GTF3C1: variants seen among roughly 807,000 people sequenced by gnomAD.
The protein encoded by GTF3C1 is general transcription factor 3C polypeptide 1.
In GTF3C1, 57 loss-of-function variants were observed where a neutral mutation model predicts 226.7. The ratio of observed to expected loss-of-function variants is 0.25; its 90% confidence interval spans 0.20 to 0.31. The LOEUF (loss-of-function observed/expected upper bound fraction) is 0.31. Ranked by LOEUF, GTF3C1 falls within the 10% of genes least tolerant of loss-of-function variation. The pLI is 1.00. For missense variants in GTF3C1, 2,217 were observed against 2,776.1 expected (o/e 0.80, Z 4.53); for synonymous variants, 1,090 against 1,084.8 (o/e 1.00, Z -0.09).
intron 4 of GTF3C1, among the ~76,000 whole-genome samples, chr16:27,536,151 A>T (rs2088998156): frequency 6.6e-6 from 1 of 152,254 alleles, no homozygotes; most frequent in Non-Finnish European, 1.5e-5. Flanking sequence ...TTTCTTAATA[A>T]CATTTTCTTT....
chr16:27,478,684 A>T, intron 27 of GTF3C1, 153 bp from the exon 28 acceptor site: 1 of 682,954 alleles, frequency 1.5e-6, no homozygotes, highest in Non-Finnish European at 2.7e-6. Context: ...CATGTAAATT[A>T]AAATGAGAAT....
At chr16:27,514,540 CT>C (rs1040254014) in intron 6 of GTF3C1, among the ~76,000 whole-genome samples, 2 of 152,106 alleles carry the variant, frequency 1.3e-5, no homozygotes, top group African/African-American at 2.4e-5. Context: ...CCATTCCCCC[CT>C]AGACTGTCCT....
At chr16:27,493,090 GC>G in intron 17 of GTF3C1, 108 bp downstream of exon 17, 1 of 679,526 alleles carries the variant, frequency 1.5e-6, no homozygotes, top group South Asian at 1.7e-5. Context: ...GTTTTTGCAA[GC>G]TGGAAGTTAG....
At chr16:27,514,426 G>A (rs560689998) in intron 6 of GTF3C1, among the ~76,000 whole-genome samples, 2 of 152,142 alleles carry the variant, frequency 1.3e-5, no homozygotes, top group East Asian at 1.9e-4. Flanking sequence ...CTGAAGGCTC[G>A]GGCACTGGGA....
Position 27,469,956 on chromosome 16 carries a change from G to C in GTF3C1, c.4814+152C>G. 1 of 700,040 alleles carries C rather than the reference G, an allele frequency of 1.4e-6. No individual in the cohort carries two copies. The highest frequency in any genetic ancestry group is 2.5e-5 in the East Asian group (1 of 40,542). The allele number at this position is 700,040 out of a possible 1,614,324, so 43.4% of individuals were successfully genotyped here. Reference sequence around the variant, plus strand: ...TAACACCTGGGAGGCACCAGCAGAGGACACCTTAGACACCGGCCTATAATC... The same window carrying C: ...TAACACCTGGGAGGCACCAGCAGAGCACACCTTAGACACCGGCCTATAATC... On this transcript the variant is annotated intron_variant, in intron 31 of 36. Coordinates refer to ENST00000356183, the MANE Select transcript of GTF3C1 (RefSeq NM_001520.4). The surrounding 1 kb of genome is among the most constrained non-coding windows in gnomAD (Gnocchi z 4.5).
intron 26 of GTF3C1, among the ~76,000 whole-genome samples, chr16:27,482,171 G>A (rs1013659240): frequency 6.6e-6 from 1 of 152,144 alleles, no homozygotes; most frequent in Non-Finnish European, 1.5e-5. Context: ...ATTCTGTTGT[G>A]AGGACTTGAG....
At chr16:27,466,371 G>T (rs2087787346) in intron 32 of GTF3C1, 1 of 152,104 alleles carries the variant, frequency 6.6e-6, no homozygotes, top group Admixed American at 6.5e-5. Context: ...CCTTACTATT[G>T]TAATTGTTTT....
intron 24 of GTF3C1, 113 bp downstream of exon 24, chr16:27,485,884 C>T (rs566324144): frequency 4.1e-5 from 26 of 635,304 alleles, no homozygotes; most frequent in African/African-American, 1.5e-4. Flanking sequence ...TTCCCAGTGG[C>T]GAAGCAGAGC....
At chr16:27,498,492 G>T in intron 13 of GTF3C1, 138 bp downstream of exon 13, 1 of 694,706 alleles carries the variant, frequency 1.4e-6, no homozygotes, top group Non-Finnish European at 2.6e-6. Flanking sequence ...GAGACTAGGA[G>T]ATCATGAACC....
chr16:27,506,317 A>T (rs2088484320), intron 9 of GTF3C1, among the ~76,000 whole-genome samples: 1 of 152,006 alleles, frequency 6.6e-6, no homozygotes, highest in Non-Finnish European at 1.5e-5. Flanking sequence ...GCCAGTGCTG[A>T]TGTCTGGGCT....
chr16:27,473,821 A>T (rs2040617216), intron 29 of GTF3C1, among the ~76,000 whole-genome samples: 1 of 152,184 alleles, frequency 6.6e-6, no homozygotes, highest in Non-Finnish European at 1.5e-5. Context: ...AACACTCTCC[A>T]TGTGGTGGGC....
At chr16:27,495,920 G>A (rs538395103) in intron 14 of GTF3C1, among the ~76,000 whole-genome samples, 23 of 152,312 alleles carry the variant, frequency 1.5e-4, no homozygotes, top group African/African-American at 5.5e-4. Context: ...CAGCACCTGC[G>A]GCAGGAGGGC....
At position 27,476,481 on chromosome 16, in the gene GTF3C1, G is replaced by A. The variant is rs765316983; in HGVS notation, c.4323C>T (p.Asp1441=). ...NLIQSTLALS[D]SQMKSYQSFQ... ...ATGACTGGTAGGACTTCATCTGACTGTCTGAGAGGGCCAGCGTGCTCTGGA... is the reference window on the plus strand; with the variant it reads ...ATGACTGGTAGGACTTCATCTGACTATCTGAGAGGGCCAGCGTGCTCTGGA... The change falls in exon 29 of 37, where the codon GAC becomes GAT. Residue 1441 remains aspartate, a synonymous_variant. Coordinates refer to ENST00000356183, the MANE Select transcript of GTF3C1 (RefSeq NM_001520.4). 6.2e-7 allele frequency: 1 copy of A among 1,612,976 alleles called. No individual in the cohort carries two copies. Among genetic ancestry groups the A allele is most frequent in the Non-Finnish European group, 8.5e-7 (1 of 1,179,000 alleles).
intron 16 of GTF3C1, among the ~76,000 whole-genome samples, chr16:27,494,001 C>T (rs535376272): frequency 1.3e-5 from 2 of 151,792 alleles, no homozygotes; most frequent in South Asian, 2.1e-4. Flanking sequence ...TAAAAGACTA[C>T]AAAAACCTTA....
chr16:27,482,300 C>A (rs1430008789), intron 26 of GTF3C1, among the ~76,000 whole-genome samples: 1 of 152,130 alleles, frequency 6.6e-6, no homozygotes, highest in African/African-American at 2.4e-5. Flanking sequence ...CTCTGCTCCC[C>A]TGCACCAGAC....
At chr16:27,525,509 G>C (rs2088819179) in intron 6 of GTF3C1, among the ~76,000 whole-genome samples, 1 of 152,226 alleles carries the variant, frequency 6.6e-6, no homozygotes, top group Non-Finnish European at 1.5e-5. Context: ...TTATCTGTGT[G>C]ATACCATCTC....
At chr16:27,472,904 A>G (rs2087896710) in intron 29 of GTF3C1, among the ~76,000 whole-genome samples, 1 of 152,194 alleles carries the variant, frequency 6.6e-6, no homozygotes, top group African/African-American at 2.4e-5. Flanking sequence ...TGGAAGTCCC[A>G]GGAGAACACA....
Position 27,471,998 on chromosome 16 carries a change from C to T in GTF3C1, c.4354-78G>A. The T allele has an allele frequency of 7.7e-7, 1 of 1,302,386 alleles. No individual in the cohort carries two copies. Among genetic ancestry groups the T allele is most frequent in the Non-Finnish European group, 1.1e-6 (1 of 910,824 alleles). 80.7% of individuals were successfully genotyped at this position (1,302,386 alleles called of 1,614,324 possible). On this transcript the variant is annotated intron_variant, in intron 29 of 36. Transcript: ENST00000356183. The surrounding 1 kb of genome is among the most constrained non-coding windows in gnomAD (Gnocchi z 5.0). ...GGGCTGGGGTATGTGGAGGCAGAGG[C>T]TGCGGCTGATGCTTTATAGAGGAAG...
At chr16:27,502,803 G>A in intron 11 of GTF3C1, 56 bp downstream of exon 11, 2 of 1,537,216 alleles carry the variant, frequency 1.3e-6, no homozygotes, top group Non-Finnish European at 1.8e-6. Context: ...TGACCAACTG[G>A]TAGGAGGATT....
Sources: allele counts gnomAD v4.1 joint callset (sites outside exome capture counted in the v4.1 genomes callset), GRCh38; gene constraint gnomAD v4.1.1; non-coding constraint Gnocchi (gnomAD v3.1); transcripts MANE v1.5; gene names NCBI Gene and HGNC (gene_info 2026-07-23, HGNC 2026-07-21).